Variants in CDH12 observed in about 807,000 individuals in gnomAD.
The protein encoded by CDH12 is cadherin-12.
Under a neutral mutation model 74.1 loss-of-function variants are expected in CDH12, and 41 were observed. The ratio of observed to expected loss-of-function variants is 0.55; its 90% CI spans 0.43 to 0.72. The LOEUF (loss-of-function observed/expected upper bound fraction) is 0.72, where lower values mean the gene tolerates loss of function less well. CDH12 is among the 30% of genes least tolerant of loss of function. The pLI, the probability that CDH12 is intolerant of heterozygous loss-of-function variation, is 0.00. For synonymous variants in CDH12, 399 were observed against 355.0 expected (o/e 1.12, Z -1.39); for missense variants, 945 against 977.2 (o/e 0.97, Z 0.44).
chr5:22,444,955 T>C (rs890865337), intron 2 of CDH12, among the ~76,000 whole-genome samples: 3 of 152,068 alleles, frequency 2.0e-5, no homozygotes, highest in Admixed American at 1.3e-4. Flanking sequence ...CAAAACAATA[T>C]ATAGAAGTTA....
chr5:22,059,311 A>ATCTATCTATCTATCG (rs1741001221), intron 5 of CDH12, among the ~76,000 whole-genome samples: 1 of 150,616 alleles, frequency 6.6e-6, no homozygotes, highest in African/African-American at 2.4e-5. Context: ...TCTATCTATC[A>ATCTATCTATCTATCG]TCTATCCATC....
intron 3 of CDH12, among the ~76,000 whole-genome samples, chr5:22,366,569 T>C (rs1037950294): frequency 6.6e-6 from 1 of 152,182 alleles, no homozygotes; most frequent in Non-Finnish European, 1.5e-5. Flanking sequence ...TTTGATTACA[T>C]TAACCTCTCG....
chr5:21,837,248 G>C (rs1399658258), intron 8 of CDH12, among the ~76,000 whole-genome samples: 2 of 151,890 alleles, frequency 1.3e-5, no homozygotes, highest in East Asian at 1.9e-4. Context: ...GTGATATCTG[G>C]TATGTGATAT....
intron 1 of CDH12, among the ~76,000 whole-genome samples, chr5:22,839,851 C>T (rs1290793121): frequency 2.0e-5 from 3 of 152,038 alleles, no homozygotes; most frequent in East Asian, 1.9e-4. Context: ...GCTAAATATT[C>T]GATGCAAAAA....
At chr5:22,813,947 T>C (rs758333534) in intron 1 of CDH12, among the ~76,000 whole-genome samples, 1 of 152,078 alleles carries the variant, frequency 6.6e-6, no homozygotes, top group Non-Finnish European at 1.5e-5. Context: ...GGCAATAACT[T>C]TGTATTTTTT....
chr5:21,866,254 C>T (rs936432673), intron 6 of CDH12, among the ~76,000 whole-genome samples: 3 of 152,102 alleles, frequency 2.0e-5, no homozygotes, highest in Non-Finnish European at 4.4e-5. Flanking sequence ...TAGGGCACTG[C>T]TGTAAAGATA....
intron 1 of CDH12, among the ~76,000 whole-genome samples, chr5:22,627,178 C>T (rs2126850882): frequency 6.6e-6 from 1 of 152,066 alleles, no homozygotes; most frequent in South Asian, 2.1e-4. Context: ...AGGATATTAC[C>T]CACAAATATT....
At chr5:22,534,766 A>G (rs1272976993) in intron 1 of CDH12, among the ~76,000 whole-genome samples, 1 of 151,770 alleles carries the variant, frequency 6.6e-6, no homozygotes, top group Non-Finnish European at 1.5e-5. Flanking sequence ...AAAACTAATG[A>G]ATCATTGCTG....
chr5:22,084,731 G>A (rs1742956511), intron 4 of CDH12, among the ~76,000 whole-genome samples: 1 of 152,122 alleles, frequency 6.6e-6, no homozygotes, highest in Non-Finnish European at 1.5e-5. Context: ...TCTGGCCACG[G>A]TTGTCAGCCA....
intron 2 of CDH12, among the ~76,000 whole-genome samples, chr5:22,466,337 A>G (rs1040763882): frequency 6.6e-6 from 1 of 152,144 alleles, no homozygotes; most frequent in African/African-American, 2.4e-5. Context: ...CAGTAACCCA[A>G]TGGGGCACAT....
intron 6 of CDH12, among the ~76,000 whole-genome samples, chr5:21,929,165 C>T (rs1052045336): frequency 6.6e-6 from 1 of 151,892 alleles, no homozygotes. Context: ...CTTTTTGGCA[C>T]CAGGGACCAG....
At chr5:22,005,684 A>T (rs1736908440) in intron 5 of CDH12, among the ~76,000 whole-genome samples, 1 of 152,062 alleles carries the variant, frequency 6.6e-6, no homozygotes, top group South Asian at 2.1e-4. Flanking sequence ...CTTCTATGAG[A>T]GCAGAGATAT....
chr5:22,412,270 T>C (rs2126475129), intron 2 of CDH12, among the ~76,000 whole-genome samples: 1 of 152,088 alleles, frequency 6.6e-6, no homozygotes. Flanking sequence ...ATGATATTAC[T>C]ATAAAAACAT....
Position 22,307,069 on chromosome 5 carries a change from G to A in CDH12, c.-332-94426C>T, listed in dbSNP as rs79975325. Among the ~76,000 whole-genome samples, 257 of 152,238 alleles carry A rather than the reference G, an allele frequency of 1.7e-3. 2 individuals are homozygous for A. In the East Asian group the frequency reaches 0.019, roughly 11 times the overall value. ...GATTATAGCTCTATGGGGTAAAGCTGATTCAAAACAATTTTCTGCAGCGAA... is the reference window on the plus strand; with the variant it reads ...GATTATAGCTCTATGGGGTAAAGCTAATTCAAAACAATTTTCTGCAGCGAA... On this transcript the variant is annotated intron_variant, in intron 3 of 14. Coordinates refer to ENST00000382254, the MANE Select transcript of CDH12 (RefSeq NM_004061.5).
chr5:21,868,670 A>G (rs1276705200), intron 6 of CDH12, among the ~76,000 whole-genome samples: 1 of 152,136 alleles, frequency 6.6e-6, no homozygotes, highest in African/African-American at 2.4e-5. Flanking sequence ...TGTCTATGCT[A>G]TGCCTGTCCC....
At chr5:22,553,096 TA>T (rs1738648152) in intron 1 of CDH12, among the ~76,000 whole-genome samples, 1 of 152,032 alleles carries the variant, frequency 6.6e-6, no homozygotes, top group Admixed American at 6.6e-5. Context: ...AAAAGATAAA[TA>T]AGGGAATGTT....
chr5:22,079,621 C>T (rs1742579457), intron 4 of CDH12, among the ~76,000 whole-genome samples: 2 of 152,076 alleles, frequency 1.3e-5, no homozygotes, highest in Admixed American at 6.6e-5. Flanking sequence ...GAAACCTTGA[C>T]AATGTGAGTA....
chr5:22,843,420 C>G (rs1378706821), intron 1 of CDH12, among the ~76,000 whole-genome samples: 1 of 152,102 alleles, frequency 6.6e-6, no homozygotes, highest in African/African-American at 2.4e-5. Flanking sequence ...GTTGTCATCT[C>G]TACACTGTAA....
chr5:22,000,852 A>G (rs1736564577), intron 5 of CDH12, among the ~76,000 whole-genome samples: 1 of 152,138 alleles, frequency 6.6e-6, no homozygotes, highest in Non-Finnish European at 1.5e-5. Context: ...TTCAGCTCGA[A>G]AAAAAGCCTA....
Sources: gnomAD v4.1 joint callset for allele counts (sites outside exome capture counted in the v4.1 genomes callset) on GRCh38, gnomAD v4.1.1 for gene constraint, MANE v1.5 for transcripts, NCBI Gene and HGNC (gene_info 2026-07-23, HGNC 2026-07-21) for gene names.